Variants in CDH9 observed in about 807,000 individuals in gnomAD.
CDH9 encodes the protein cadherin 9, also known as cadherin-9.
A neutral mutation model predicts 70.9 loss-of-function variants in CDH9; 28 were observed. The observed-to-expected ratio is 0.40, with a 90% CI of 0.29 to 0.54. The LOEUF (loss-of-function observed/expected upper bound fraction) is 0.54, where lower values mean the gene tolerates loss of function less well. CDH9 is among the 20% of genes least tolerant of loss of function. CDH9 has a pLI of 0.59. For missense variants in CDH9, 874 were observed against 984.4 expected (o/e 0.89, Z 1.50); for synonymous variants, 409 against 343.1 (o/e 1.19, Z -2.12).
At chr5:26,893,197 CAATTT>C (rs1477225885) in intron 7 of CDH9, among the ~76,000 whole-genome samples, 1 of 152,102 alleles carries the variant, frequency 6.6e-6, no homozygotes. Context: ...ATAATTTTAA[CAATTT>C]AATATAGTAC....
At chr5:26,985,858 T>G (rs1742479332) in intron 2 of CDH9, among the ~76,000 whole-genome samples, 1 of 152,080 alleles carries the variant, frequency 6.6e-6, no homozygotes, top group African/African-American at 2.4e-5. Flanking sequence ...TTATCAGAAC[T>G]CATATGTTTG....
intron 2 of CDH9, among the ~76,000 whole-genome samples, chr5:26,941,123 G>T (rs1741655468): frequency 6.6e-6 from 1 of 152,162 alleles, no homozygotes; most frequent in Non-Finnish European, 1.5e-5. Context: ...ACTTAGGATT[G>T]CTCAGTTTTA....
intron 2 of CDH9, among the ~76,000 whole-genome samples, chr5:26,955,143 T>A (rs1741925104): frequency 6.6e-6 from 1 of 152,230 alleles, no homozygotes; most frequent in Admixed American, 6.5e-5. Flanking sequence ...ATTTCTCAAC[T>A]CTTCTTTTCC....
chr5:26,967,872 T>G (rs1252031723), intron 2 of CDH9, among the ~76,000 whole-genome samples: 2 of 152,024 alleles, frequency 1.3e-5, no homozygotes, highest in Non-Finnish European at 2.9e-5. Flanking sequence ...TCTGGCTAAC[T>G]TTTTCTTTTT....
intron 7 of CDH9, among the ~76,000 whole-genome samples, chr5:26,897,809 G>T (rs191086205): frequency 2.5e-4 from 38 of 152,270 alleles, no homozygotes; most frequent in African/African-American, 8.7e-4. Context: ...CATAGTATTG[G>T]AAGTTCAAGC....
chr5:26,922,971 GA>G (rs538942596), intron 2 of CDH9, among the ~76,000 whole-genome samples: 7 of 140,450 alleles, frequency 5.0e-5, no homozygotes, highest in African/African-American at 1.3e-4. Flanking sequence ...CAAACAACCA[GA>G]AAAAAAATGG....
At chr5:27,021,255 T>C (rs1743133329) in intron 1 of CDH9, among the ~76,000 whole-genome samples, 1 of 151,878 alleles carries the variant, frequency 6.6e-6, no homozygotes, top group Non-Finnish European at 1.5e-5. Context: ...AATTGCACAC[T>C]GTGTCTATAT....
intron 3 of CDH9, among the ~76,000 whole-genome samples, chr5:26,910,417 C>G (rs1224534697): frequency 2.0e-5 from 3 of 152,108 alleles, no homozygotes; most frequent in Admixed American, 2.0e-4. Flanking sequence ...TAACAAACAG[C>G]AACTTTGTGG....
chr5:26,896,237 T>G (rs1198769706), intron 7 of CDH9, among the ~76,000 whole-genome samples: 1 of 151,964 alleles, frequency 6.6e-6, no homozygotes, highest in African/African-American at 2.4e-5. Context: ...GAAGCAAGTT[T>G]GCAAATTTTA....
chr5:26,932,165 CA>C (rs1328232743), intron 2 of CDH9, among the ~76,000 whole-genome samples: 2 of 151,194 alleles, frequency 1.3e-5, no homozygotes, highest in East Asian at 1.9e-4. Context: ...ATTTTATTGT[CA>C]AAAAAATCTT....
At chr5:27,034,177 C>A (rs575478481) in intron 1 of CDH9, among the ~76,000 whole-genome samples, 2 of 151,654 alleles carry the variant, frequency 1.3e-5, no homozygotes, top group East Asian at 3.9e-4. Context: ...CTTTCATATT[C>A]AAATTTAAAT....
intron 1 of CDH9, among the ~76,000 whole-genome samples, chr5:27,033,858 A>G (rs1020700357): frequency 5.3e-5 from 8 of 151,592 alleles, no homozygotes; most frequent in African/African-American, 1.9e-4. Context: ...CAGTTTTATA[A>G]AAGCAGTATA....
At chr5:27,035,105 T>G (rs181627949) in intron 1 of CDH9, among the ~76,000 whole-genome samples, 85 of 150,658 alleles carry the variant, frequency 5.6e-4, no homozygotes, top group African/African-American at 2.0e-3. Flanking sequence ...TCTTTATGTA[T>G]TTTTCTATAT....
At chr5:27,030,566 G>A (rs1207358433) in intron 1 of CDH9, among the ~76,000 whole-genome samples, 1 of 151,108 alleles carries the variant, frequency 6.6e-6, no homozygotes, top group African/African-American at 2.4e-5. Flanking sequence ...AGAAACACAG[G>A]TGCTCAAAAG....
rs1346658894 is a variant in CDH9 at position 27,034,343 on chromosome 5, T to C, written c.-50+4120A>G. On this transcript the variant is annotated intron_variant, in intron 1 of 11. Transcript: ENST00000231021. ...TTAATCCATATTTATGAAACAATCA[T>C]ATGCTCGTGTTTCATCGATCAATTA... is the stretch of plus-strand genomic sequence containing the variant. 5.9e-5 allele frequency among the ~76,000 whole-genome samples: 9 copies of C among 151,662 alleles called. No individual in the cohort carries two copies. In the Admixed American group the frequency reaches 5.9e-4, roughly 10 times the overall value.
chr5:26,944,960 C>T (rs997913685), intron 2 of CDH9, among the ~76,000 whole-genome samples: 2 of 46,476 alleles, frequency 4.3e-5, no homozygotes, highest in Non-Finnish European at 1.5e-4. Flanking sequence ...ATTAGTAGAA[C>T]TCTGAGTGAA....
intron 2 of CDH9, among the ~76,000 whole-genome samples, chr5:26,977,491 A>ATATATATATG (rs1561026154): frequency 1.4e-5 from 2 of 141,824 alleles, no homozygotes; most frequent in African/African-American, 6.1e-5. Flanking sequence ...GTGTGTATAT[A>ATATATATATG]TATATATATA....
chr5:26,985,544 T>C (rs1447301960), intron 2 of CDH9, among the ~76,000 whole-genome samples: 6 of 152,176 alleles, frequency 3.9e-5, no homozygotes, highest in African/African-American at 1.4e-4. Flanking sequence ...AAACCCTCGT[T>C]TTAACCTTTA....
intron 2 of CDH9, among the ~76,000 whole-genome samples, chr5:26,973,102 T>C (rs1318159285): frequency 6.6e-6 from 1 of 152,114 alleles, no homozygotes; most frequent in Admixed American, 6.5e-5. Context: ...GACCTCGTGA[T>C]CTGCCCGCCT....
Sources: allele counts gnomAD v4.1 joint callset (sites outside exome capture counted in the v4.1 genomes callset), GRCh38; gene constraint gnomAD v4.1.1; transcripts MANE v1.5; gene names NCBI Gene and HGNC (gene_info 2026-07-23, HGNC 2026-07-21).